The following SERPING1 variants were observed in gnomAD, a reference collection of about 807,000 sequenced individuals.
SERPING1 encodes the protein plasma protease C1 inhibitor.
Under a neutral mutation model 34.1 loss-of-function variants are expected in SERPING1, and 5 were observed. The ratio of observed to expected loss-of-function variants is 0.15; its 90% CI spans 0.08 to 0.31. The LOEUF is 0.31. Among genes scored for constraint, SERPING1 ranks in the 10% least tolerant of loss-of-function variants. The pLI is 1.00. For synonymous variants in SERPING1, 225 were observed against 242.4 expected (o/e 0.93, Z 0.67); for missense variants, 505 against 609.5 (o/e 0.83, Z 1.81).
chr11:57,599,750 G>A (rs745923737), intron 2 of SERPING1, 129 bp from the exon 3 acceptor site: 204 of 1,300,692 alleles, frequency 1.6e-4, no homozygotes, highest in Middle Eastern at 5.7e-4. Flanking sequence ...CTCATCTGCC[G>A]CACTGTCAGA....
chr11:57,602,166 C>T lies in SERPING1; in HGVS notation c.682C>T (p.Pro228Ser), dbSNP rs865782974. 1 of 1,614,142 alleles carries T rather than the reference C, an allele frequency of 6.2e-7. No homozygotes were observed. The highest frequency in any genetic ancestry group is 1.1e-5 in the South Asian group (1 of 91,076). Reference protein sequence around the residue: ...VTSVSQIFHSPDLAIRDTFVN... With the variant: ...VTSVSQIFHSSDLAIRDTFVN... ...CTCAGTCTCTCAGATCTTCCACAGCCCAGGTGAGTGCCCAGGAATGGGCAG... is the reference window on the plus strand; with the variant it reads ...CTCAGTCTCTCAGATCTTCCACAGCTCAGGTGAGTGCCCAGGAATGGGCAG... Residue 228 changes from proline (P) to serine (S), a missense_variant, in exon 4 of 8, where the codon CCA (proline) becomes TCA (serine). By Grantham distance (74) the Pro-to-Ser change is moderately conservative (BLOSUM62 -1). Transcript: ENST00000278407.
At chr11:57,611,970 C>T in intron 7 of SERPING1, 34 bp downstream of exon 7, 2 of 1,542,920 alleles carry the variant, frequency 1.3e-6, no homozygotes, top group South Asian at 2.2e-5. Flanking sequence ...ACTCCCAGGC[C>T]ATCAGAGGAG....
At chr11:57,598,042 G>A in intron 1 of SERPING1, 1 of 567,594 alleles carries the variant, frequency 1.8e-6, no homozygotes, top group South Asian at 2.5e-5. Flanking sequence ...GGGAGAGGAA[G>A]GGCCAGCCGG....
intron 6 of SERPING1, among the ~76,000 whole-genome samples, chr11:57,607,550 G>C (rs1277622931): frequency 1.3e-5 from 2 of 152,108 alleles, no homozygotes; most frequent in Non-Finnish European, 2.9e-5. Flanking sequence ...GTAGTGCCTA[G>C]AACAATGCCT....
chr11:57,613,073 C>T (rs1352304844), intron 7 of SERPING1, among the ~76,000 whole-genome samples: 2 of 152,140 alleles, frequency 1.3e-5, no homozygotes, highest in Non-Finnish European at 2.9e-5. Context: ...GATCTCATGT[C>T]CAGCCCTGTC....
rs1366095322 is a variant in SERPING1 at position 57,599,946 on chromosome 11, G to A, written c.119G>A (p.Arg40Lys). Residue 40 changes from arginine to lysine, a missense_variant, in exon 3 of 8, where the codon AGA becomes AAA. Arg to Lys is a conservative substitution (Grantham distance 26). Transcript: ENST00000278407. ...SSQDPESLQD[R>K]GEGKVATTVI... ...CAGGATCCAGAGAGTTTGCAAGACA[G>A]AGGCGAAGGGAAGGTCGCAACAACA... The A allele has an allele frequency of 6.2e-7, 1 of 1,614,200 alleles. No homozygotes were observed. Among genetic ancestry groups the A allele is most frequent in the Non-Finnish European group, 8.5e-7 (1 of 1,180,044 alleles).
chr11:57,600,490 ATT>A, intron 3 of SERPING1, 113 bp downstream of exon 3: 1 of 1,184,888 alleles, frequency 8.4e-7, no homozygotes, highest in Non-Finnish European at 1.2e-6. Context: ...AAAATGGGCT[ATT>A]ATATATTGGG....
At chr11:57,606,942 C>T (rs192687696) in intron 6 of SERPING1, 79 of 412,894 alleles carry the variant, frequency 1.9e-4, no homozygotes, top group Middle Eastern at 7.0e-4. Flanking sequence ...TAAGTATATC[C>T]TTGTATATGC....
chr11:57,598,019 A>G, intron 1 of SERPING1: 1 of 558,918 alleles, frequency 1.8e-6, no homozygotes, highest in Non-Finnish European at 3.3e-6. Context: ...ATGGACAGAG[A>G]CCCGGGCCCA....
At chr11:57,606,849 A>G (rs1270571822) in intron 6 of SERPING1, 2 of 615,024 alleles carry the variant, frequency 3.3e-6, no homozygotes, top group African/African-American at 3.6e-5. Flanking sequence ...CAGTCAACTC[A>G]TCAGAAGACT....
intron 6 of SERPING1, 39 bp from the exon 7 acceptor site, chr11:57,611,678 C>T (rs746674351): frequency 3.2e-6 from 5 of 1,570,234 alleles, no homozygotes; most frequent in African/African-American, 2.7e-5. Flanking sequence ...GAGAGAGATG[C>T]GGTAGGAAGA....
intron 4 of SERPING1, among the ~76,000 whole-genome samples, chr11:57,602,483 G>A (rs756335678): frequency 6.6e-6 from 1 of 151,992 alleles, no homozygotes; most frequent in Non-Finnish European, 1.5e-5. Flanking sequence ...CAGGCTGGGC[G>A]TGGTGGCTCA....
In SERPING1 at chr11:57,602,126, G is replaced by A. The variant is rs200744842; in HGVS notation, c.642G>A (p.Thr214=). Reference sequence around the variant, plus strand: ...TCCACCAGGCCCTGAAGGGCTTCACGACCAAAGGTGTCACCTCAGTCTCTC... The same window carrying A: ...TCCACCAGGCCCTGAAGGGCTTCACAACCAAAGGTGTCACCTCAGTCTCTC... ...TCVHQALKGF[T]TKGVTSVSQI... The change falls in exon 4 of 8, where the codon ACG becomes ACA. Residue 214 remains threonine (T), a synonymous_variant. Coordinates refer to ENST00000278407, the MANE Select transcript of SERPING1 (RefSeq NM_000062.3). 5.0e-6 allele frequency: 8 copies of A among 1,614,198 alleles called. No homozygotes were observed. The highest frequency in any genetic ancestry group is 4.2e-6 in the Non-Finnish European group (5 of 1,180,042).
In SERPING1 at chr11:57,597,767, T is replaced by C. The variant is rs183957596; in HGVS notation, c.-23+45T>C. 758 of 151,202 alleles carry C rather than the reference T, an allele frequency of 5.0e-3. 2 individuals carry two copies. Among genetic ancestry groups the C allele is most frequent in the Non-Finnish European group, 8.1e-3 (553 of 68,618 alleles). 9.4% of individuals were successfully genotyped at this position (151,202 alleles called of 1,614,324 possible). On this transcript the variant is annotated intron_variant, in intron 1 of 7. Transcript: ENST00000278407. ...GGGGTGGGGAGTAGGGTGGAAAGCA[T>C]GGAGTGAAGAGGTCTAGGGAGGGGG...
chr11:57,598,176 C>A (rs746858240), intron 1 of SERPING1, 73 bp from the exon 2 acceptor site: 1 of 1,146,254 alleles, frequency 8.7e-7, no homozygotes, highest in South Asian at 1.5e-5. Context: ...GGAATGGGGG[C>A]GGGCCCCGGG....
intron 7 of SERPING1, among the ~76,000 whole-genome samples, chr11:57,612,681 T>C (rs997632607): frequency 1.3e-5 from 2 of 152,014 alleles, no homozygotes; most frequent in Admixed American, 6.6e-5. Context: ...CCTCCCAAAG[T>C]GCTGGGATTA....
intron 1 of SERPING1, chr11:57,598,013 A>T (rs1945306593): frequency 1.9e-6 from 1 of 539,384 alleles, no homozygotes; most frequent in Non-Finnish European, 3.4e-6. Context: ...GAACAGATGG[A>T]CAGAGACCCG....
intron 4 of SERPING1, among the ~76,000 whole-genome samples, chr11:57,603,866 C>T (rs574037771): frequency 2.2e-5 from 3 of 135,368 alleles, no homozygotes; most frequent in East Asian, 4.5e-4. Flanking sequence ...ATGGGGCGGG[C>T]GGGCCAGGCG....
At chr11:57,611,985 G>A in intron 7 of SERPING1, 49 bp downstream of exon 7, 1 of 1,439,816 alleles carries the variant, frequency 6.9e-7, no homozygotes, top group Non-Finnish European at 9.8e-7. Context: ...GAGGAGAAAG[G>A]GGGGATCCCT....
Sources: allele counts gnomAD v4.1 joint callset (sites outside exome capture counted in the v4.1 genomes callset), GRCh38; gene constraint gnomAD v4.1.1; transcripts MANE v1.5; gene names NCBI Gene and HGNC (gene_info 2026-07-23, HGNC 2026-07-21).